LPP: variants seen among roughly 807,000 people sequenced by gnomAD.
LPP encodes LIM domain containing preferred translocation partner in lipoma.
A neutral mutation model predicts 60.4 loss-of-function variants in LPP; 38 were observed. The observed-to-expected ratio is 0.63, with a 90% CI of 0.49 to 0.83. The LOEUF (loss-of-function observed/expected upper bound fraction) is 0.83, where lower values mean the gene tolerates loss of function less well. Ranked by LOEUF, LPP falls within the 40% of genes least tolerant of loss-of-function variation. The pLI, the probability that LPP is intolerant of heterozygous loss-of-function variation, is 0.00. For missense variants in LPP, 902 were observed against 783.6 expected (o/e 1.15, Z -1.80); for synonymous variants, 328 against 290.8 (o/e 1.13, Z -1.30).
chr3:188,448,703 C>T (rs1795907482), intron 4 of LPP, among the ~76,000 whole-genome samples: 1 of 152,058 alleles, frequency 6.6e-6, no homozygotes, highest in Non-Finnish European at 1.5e-5. Flanking sequence ...TGAGAGGAAC[C>T]AAGTAAGCCT....
chr3:188,280,131 A>T (rs759477865), intron 2 of LPP, among the ~76,000 whole-genome samples: 1 of 152,060 alleles, frequency 6.6e-6, no homozygotes, highest in Non-Finnish European at 1.5e-5. Context: ...GTTTTCAGTG[A>T]CCTCCTAGAC....
intron 4 of LPP, among the ~76,000 whole-genome samples, chr3:188,413,501 G>C (rs1031370497): frequency 1.6e-4 from 24 of 152,012 alleles, no homozygotes; most frequent in African/African-American, 5.6e-4. Flanking sequence ...ATGAAGCTCG[G>C]GTTTGCCTGT....
At chr3:188,291,245 C>T (rs1208378612) in intron 2 of LPP, among the ~76,000 whole-genome samples, 1 of 152,020 alleles carries the variant, frequency 6.6e-6, no homozygotes, top group African/African-American at 2.4e-5. Flanking sequence ...TGTGAAACTT[C>T]CTGGAATTGG....
chr3:188,250,812 T>C lies in LPP; in HGVS notation c.-67+25285T>C, dbSNP rs9755805. Among the ~76,000 whole-genome samples the C allele has an allele frequency of 4.8e-3, 606 of 125,966 alleles. 4 individuals are homozygous for C. Among genetic ancestry groups the C allele is most frequent in the South Asian group, 0.015 (57 of 3,806 alleles). 82.6% of individuals were successfully genotyped at this position (125,966 alleles called of 152,430 possible). A position where few individuals can be genotyped will look rare whatever the true frequency, so the allele number is the denominator to read the frequency against. On this transcript the variant is annotated intron_variant, in intron 2 of 11. Coordinates refer to ENST00000617246, the MANE Select transcript of LPP (RefSeq NM_001375462.1). ...TGTCTTTCTCTTTCTTTCTTTCTCT[T>C]TCTTTCTTTCTTTTTCTTTCTTTCT... is the stretch of plus-strand genomic sequence containing the variant.
At chr3:188,681,832 AGTAT>A (rs1445881582) in intron 7 of LPP, among the ~76,000 whole-genome samples, 1 of 152,162 alleles carries the variant, frequency 6.6e-6, no homozygotes, top group Non-Finnish European at 1.5e-5. Flanking sequence ...CATGATGTGT[AGTAT>A]GTATGTTTTT....
intron 2 of LPP, among the ~76,000 whole-genome samples, chr3:188,231,703 C>T (rs1006153009): frequency 4.0e-5 from 6 of 151,702 alleles, no homozygotes; most frequent in South Asian, 4.2e-4. Context: ...CGCCTTCCAC[C>T]GCTCCACACA....
At chr3:188,808,530 G>T (rs973406635) in intron 9 of LPP, among the ~76,000 whole-genome samples, 8 of 152,044 alleles carry the variant, frequency 5.3e-5, no homozygotes, top group African/African-American at 1.9e-4. Context: ...TTTTCCTGGG[G>T]CTGAAGACCT....
chr3:188,521,418 G>A (rs1244181327), intron 5 of LPP, among the ~76,000 whole-genome samples: 1 of 152,068 alleles, frequency 6.6e-6, no homozygotes, highest in African/African-American at 2.4e-5. Flanking sequence ...TCTGTGACTT[G>A]TTGAGTCTCA....
chr3:188,211,036 A>G (rs1230145066), intron 1 of LPP, among the ~76,000 whole-genome samples: 1 of 152,214 alleles, frequency 6.6e-6, no homozygotes, highest in Non-Finnish European at 1.5e-5. Flanking sequence ...AATAAATAAT[A>G]AATGTTTGCT....
At chr3:188,649,937 C>T (rs1289957558) in intron 7 of LPP, among the ~76,000 whole-genome samples, 1 of 152,166 alleles carries the variant, frequency 6.6e-6, no homozygotes, top group African/African-American at 2.4e-5. Context: ...TATTAAGCTT[C>T]CACCTTGTCT....
intron 7 of LPP, among the ~76,000 whole-genome samples, chr3:188,654,247 G>C (rs959012672): frequency 9.2e-5 from 14 of 152,182 alleles, no homozygotes; most frequent in African/African-American, 3.4e-4. Flanking sequence ...TAGGAATTAA[G>C]AGGAGGTTCA....
chr3:188,615,977 T>C (rs1248716502), intron 7 of LPP, among the ~76,000 whole-genome samples: 1 of 152,198 alleles, frequency 6.6e-6, no homozygotes, highest in Non-Finnish European at 1.5e-5. Context: ...TTGTATATTC[T>C]CGATATTAGA....
chr3:188,547,070 T>C (rs916068464), intron 6 of LPP, among the ~76,000 whole-genome samples: 1 of 152,168 alleles, frequency 6.6e-6, no homozygotes, highest in African/African-American at 2.4e-5. Flanking sequence ...CGGAAGGTGC[T>C]CCAATATTCT....
At chr3:188,476,860 G>A (rs955096754) in intron 4 of LPP, among the ~76,000 whole-genome samples, 2 of 152,164 alleles carry the variant, frequency 1.3e-5, no homozygotes, top group African/African-American at 4.8e-5. Flanking sequence ...ATGTGTCACT[G>A]AAGGGAGATA....
chr3:188,551,569 C>T (rs936561667), intron 6 of LPP, among the ~76,000 whole-genome samples: 4 of 152,086 alleles, frequency 2.6e-5, no homozygotes, highest in African/African-American at 9.7e-5. Context: ...AAATATGGAC[C>T]TTCTCATAGG....
intron 3 of LPP, among the ~76,000 whole-genome samples, chr3:188,398,073 A>AT (rs1366281576): frequency 1.3e-5 from 2 of 151,702 alleles, no homozygotes; most frequent in African/African-American, 4.8e-5. Flanking sequence ...GTGTTAATTT[A>AT]TTTTTTCTGG....
intron 2 of LPP, among the ~76,000 whole-genome samples, chr3:188,336,152 G>A (rs1031495980): frequency 6.6e-6 from 1 of 152,082 alleles, no homozygotes; most frequent in African/African-American, 2.4e-5. Context: ...TAGCCAAGGG[G>A]ACTGCTCTTC....
chr3:188,358,004 A>G lies in LPP; in HGVS notation c.-10+16285A>G, dbSNP rs183495245. ...GGATGAGCAATTTTGAAAGATTGAC[A>G]TATTGAAGGAAAAAAATGACGTGAA... On this transcript the variant is annotated intron_variant, in intron 3 of 11. Coordinates refer to ENST00000617246, the MANE Select transcript of LPP (RefSeq NM_001375462.1). 1.8e-3 allele frequency among the ~76,000 whole-genome samples: 267 copies of G among 152,228 alleles called. 2 individuals are homozygous for G. Among genetic ancestry groups the G allele is most frequent in the African/African-American group, 6.2e-3 (258 of 41,502 alleles).
chr3:188,876,592 C>T lies in LPP; in HGVS notation c.*2113C>T. On this transcript the variant is annotated 3_prime_UTR_variant, in exon 12 of 12. Transcript: ENST00000617246. ...ACCTCAAGTAGCACTGACTATTTGACAATAGGGCTGATAATGTAATCGGCT... is the reference window on the plus strand; with the variant it reads ...ACCTCAAGTAGCACTGACTATTTGATAATAGGGCTGATAATGTAATCGGCT... 1 of 203,232 alleles carries T rather than the reference C, an allele frequency of 4.9e-6. No homozygotes were observed. The highest frequency in any genetic ancestry group is 2.3e-5 in the African/African-American group (1 of 43,730). 12.6% of individuals were successfully genotyped at this position (203,232 alleles called of 1,614,324 possible).
Sources: gnomAD v4.1 joint callset for allele counts (sites outside exome capture counted in the v4.1 genomes callset) on GRCh38, gnomAD v4.1.1 for gene constraint, MANE v1.5 for transcripts, NCBI Gene and HGNC (gene_info 2026-07-23, HGNC 2026-07-21) for gene names.